DYNC1I1: variants seen among roughly 807,000 people sequenced by gnomAD.
DYNC1I1 encodes cytoplasmic dynein 1 intermediate chain 1.
DYNC1I1 carries 43 observed loss-of-function variants against 86.6 expected under a neutral mutation model. The ratio of observed to expected loss-of-function variants is 0.50; its 90% CI spans 0.39 to 0.64. DYNC1I1 has a LOEUF of 0.64. Among genes scored for constraint, DYNC1I1 ranks in the 30% least tolerant of loss-of-function variants. The probability of loss-of-function intolerance (pLI) is 0.00; values close to 1 mark genes in which losing one functional copy is unlikely to be tolerated. For synonymous variants in DYNC1I1, 262 were observed against 283.7 expected (o/e 0.92, Z 0.77); for missense variants, 604 against 788.8 (o/e 0.77, Z 2.81).
intron 5 of DYNC1I1, among the ~76,000 whole-genome samples, chr7:95,858,055 G>T (rs1789773140): frequency 6.6e-6 from 1 of 152,116 alleles, no homozygotes; most frequent in Non-Finnish European, 1.5e-5. Flanking sequence ...CCCTTCTTGA[G>T]TATTTGTTAG....
intron 13 of DYNC1I1, among the ~76,000 whole-genome samples, chr7:96,036,132 C>A (rs1041827986): frequency 2.6e-4 from 39 of 152,160 alleles, no homozygotes; most frequent in African/African-American, 9.4e-4. Context: ...CCAGTTCTAG[C>A]ATTTCTCCCT....
chr7:96,032,193 G>A (rs1794828620), intron 11 of DYNC1I1, among the ~76,000 whole-genome samples: 1 of 152,098 alleles, frequency 6.6e-6, no homozygotes, highest in Non-Finnish European at 1.5e-5. Flanking sequence ...TATAAAGAAT[G>A]TTAACAAATG....
intron 6 of DYNC1I1, among the ~76,000 whole-genome samples, chr7:95,906,769 A>G (rs1404331208): frequency 6.6e-6 from 1 of 152,078 alleles, no homozygotes; most frequent in Admixed American, 6.6e-5. Flanking sequence ...TTATCAAGCA[A>G]CCTGAAAAAC....
intron 6 of DYNC1I1, among the ~76,000 whole-genome samples, chr7:95,873,805 A>G (rs1790234854): frequency 6.6e-6 from 1 of 151,786 alleles, no homozygotes; most frequent in South Asian, 2.1e-4. Flanking sequence ...GTTTGGAGGT[A>G]CTCCCAGGCC....
At chr7:95,889,508 C>T (rs952716988) in intron 6 of DYNC1I1, among the ~76,000 whole-genome samples, 1 of 152,090 alleles carries the variant, frequency 6.6e-6, no homozygotes, top group Non-Finnish European at 1.5e-5. Flanking sequence ...GAAAGTTAAC[C>T]TAGGCAATAC....
chr7:96,096,252 T>C (rs42059), intron 16 of DYNC1I1, among the ~76,000 whole-genome samples: 63,560 of 151,858 alleles, frequency 0.42, 14,318 homozygotes, highest in Non-Finnish European at 0.51. Flanking sequence ...CATTTGGCTC[T>C]GTGTGGTGGG....
rs770952454 is a variant in DYNC1I1 at position 95,828,165 on chromosome 7, T to C, written c.374+49T>C. 3.1e-6 allele frequency: 5 copies of C among 1,601,002 alleles called. No homozygotes were observed. In the African/African-American group the frequency reaches 6.7e-5, roughly 21 times the overall value. ...TCCTTTTATTATTTCTTTGCTACAGTTGTGTTGAAATGCTGGAGCTGTTGT... is the reference window on the plus strand; with the variant it reads ...TCCTTTTATTATTTCTTTGCTACAGCTGTGTTGAAATGCTGGAGCTGTTGT... On this transcript the variant is annotated intron_variant, in intron 5 of 16. Transcript: ENST00000447467.
intron 16 of DYNC1I1, among the ~76,000 whole-genome samples, chr7:96,088,171 G>A (rs1563001074): frequency 6.6e-6 from 1 of 151,892 alleles, no homozygotes; most frequent in Non-Finnish European, 1.5e-5. Context: ...TATGAAAATG[G>A]ACTTATAGGA....
In DYNC1I1 at chr7:95,862,354, T is replaced by TA. The variant is rs35856841; in HGVS notation, c.375-7519dup. Among the ~76,000 whole-genome samples the TA allele has an allele frequency of 2.3e-4, 34 of 150,016 alleles. 1 individual carries two copies. The highest frequency in any genetic ancestry group is 6.6e-4 in the African/African-American group (27 of 40,718). On this transcript the variant is annotated intron_variant, in intron 5 of 16. Coordinates refer to ENST00000447467, the MANE Select transcript of DYNC1I1 (RefSeq NM_001135556.2). ...TAAACATTTCTTACAACTCAACCAT[T>TA]AAAAAAAAAACAAATAACCCAATTT...
Position 95,900,734 on chromosome 7 carries a change from A to T in DYNC1I1, c.490+30736A>T, listed in dbSNP as rs149900275. 2.1e-4 allele frequency among the ~76,000 whole-genome samples: 32 copies of T among 152,300 alleles called. No homozygotes were observed. The East Asian group carries it at 5.0e-3, about 24-fold the overall frequency. On this transcript the variant is annotated intron_variant, in intron 6 of 16. Transcript: ENST00000447467. ...AGTTGTATGGTATATAATCTTTGCC[A>T]TCCATCCTCTCTTTCTCAAAAAAAT... is the stretch of plus-strand genomic sequence containing the variant.
At chr7:95,867,167 A>G (rs975661108) in intron 5 of DYNC1I1, among the ~76,000 whole-genome samples, 4 of 152,210 alleles carry the variant, frequency 2.6e-5, no homozygotes, top group Non-Finnish European at 4.4e-5. Flanking sequence ...CTTCAACTCT[A>G]CTATCTTAAG....
rs954946773 is a variant in DYNC1I1, at chr7:96,029,708, C to T, written c.1116+1387C>T. 5.3e-5 allele frequency among the ~76,000 whole-genome samples: 8 copies of T among 152,076 alleles called. No individual in the cohort carries two copies. In the South Asian group the frequency reaches 6.2e-4, roughly 12 times the overall value. ...AGACAGGTGGATCACTTGAGGGGTT[C>T]GAGACCAGGCTGGCCAACATGGAGA... is the stretch of plus-strand genomic sequence containing the variant. On this transcript the variant is annotated intron_variant, in intron 11 of 16. Coordinates refer to ENST00000447467, the MANE Select transcript of DYNC1I1 (RefSeq NM_001135556.2).
At chr7:95,900,984 T>C (rs1229704916) in intron 6 of DYNC1I1, among the ~76,000 whole-genome samples, 1 of 152,194 alleles carries the variant, frequency 6.6e-6, no homozygotes, top group Admixed American at 6.5e-5. Flanking sequence ...TATTTGGTTG[T>C]TTCTTGGATA....
chr7:95,797,845 A>G (rs1794478845), intron 1 of DYNC1I1, among the ~76,000 whole-genome samples: 1 of 152,204 alleles, frequency 6.6e-6, no homozygotes, highest in Non-Finnish European at 1.5e-5. Context: ...ACATATCACA[A>G]CAGATTGAAT....
At chr7:96,044,857 C>CTG (rs1298333900) in intron 14 of DYNC1I1, among the ~76,000 whole-genome samples, 1 of 152,150 alleles carries the variant, frequency 6.6e-6, no homozygotes, top group Non-Finnish European at 1.5e-5. Flanking sequence ...GAAAGATGGA[C>CTG]TGTGGTCAGT....
At chr7:95,922,399 T>C (rs751796141) in intron 6 of DYNC1I1, among the ~76,000 whole-genome samples, 2 of 152,170 alleles carry the variant, frequency 1.3e-5, no homozygotes, top group Admixed American at 6.6e-5. Context: ...AACTTCCAAC[T>C]ATATTGAGCT....
At chr7:96,006,937 G>A (rs1794156304) in intron 10 of DYNC1I1, among the ~76,000 whole-genome samples, 1 of 152,100 alleles carries the variant, frequency 6.6e-6, no homozygotes, top group Non-Finnish European at 1.5e-5. Flanking sequence ...TGATACTACT[G>A]TGATTCAATC....
intron 10 of DYNC1I1, among the ~76,000 whole-genome samples, chr7:96,002,845 TTTTG>T (rs201646358): frequency 0.014 from 2,141 of 151,992 alleles, 60 homozygotes; most frequent in African/African-American, 0.049. Flanking sequence ...TTTGTGTTTT[TTTTG>T]TTTGTTTGTT....
chr7:95,991,837 A>G (rs1793737405), intron 9 of DYNC1I1, among the ~76,000 whole-genome samples: 1 of 151,908 alleles, frequency 6.6e-6, no homozygotes, highest in Non-Finnish European at 1.5e-5. Context: ...TCTTCCTGCC[A>G]CACCCCACAC....
Sources: gnomAD v4.1 joint callset for allele counts (sites outside exome capture counted in the v4.1 genomes callset) on GRCh38, gnomAD v4.1.1 for gene constraint, MANE v1.5 for transcripts, NCBI Gene and HGNC (gene_info 2026-07-23, HGNC 2026-07-21) for gene names.